The following FOXN3 variants were observed in gnomAD, a reference collection of about 807,000 sequenced individuals.
FOXN3 encodes the protein forkhead box N3.
Under a neutral mutation model 38.4 loss-of-function variants are expected in FOXN3, and 7 were observed. That is an observed-to-expected ratio of 0.18 (90% CI 0.10 to 0.34). The LOEUF (loss-of-function observed/expected upper bound fraction) is 0.34, where lower values mean the gene tolerates loss of function less well. Ranked by LOEUF, FOXN3 falls within the 10% of genes least tolerant of loss-of-function variation. The probability of loss-of-function intolerance (pLI) is 1.00; values close to 1 mark genes in which losing one functional copy is unlikely to be tolerated. For missense variants in FOXN3, 456 were observed against 613.4 expected, an observed-to-expected ratio of 0.74 and a Z score of 2.71; for synonymous variants, 230 against 242.2, an observed-to-expected ratio of 0.95 and a Z score of 0.47.
At chr14:89,602,093 A>G (rs1170384866) in intron 1 of FOXN3, among the ~76,000 whole-genome samples, 3 of 152,162 alleles carry the variant, frequency 2.0e-5, no homozygotes, top group African/African-American at 7.2e-5. Context: ...AGAAAACCTG[A>G]GCCTGGTCAA....
intron 1 of FOXN3, among the ~76,000 whole-genome samples, chr14:89,547,321 C>G (rs2139857690): frequency 6.6e-6 from 1 of 152,136 alleles, no homozygotes; most frequent in East Asian, 1.9e-4. Flanking sequence ...GTGGCACAAT[C>G]TTGGCTCACT....
intron 4 of FOXN3, among the ~76,000 whole-genome samples, chr14:89,275,751 G>C (rs923895381): frequency 6.6e-6 from 1 of 152,194 alleles, no homozygotes; most frequent in Non-Finnish European, 1.5e-5. Flanking sequence ...ATTCCTCAAA[G>C]CAAGTCATCT....
At chr14:89,207,059 A>G (rs1888404237) in intron 4 of FOXN3, among the ~76,000 whole-genome samples, 1 of 152,178 alleles carries the variant, frequency 6.6e-6, no homozygotes, top group Non-Finnish European at 1.5e-5. Flanking sequence ...AGACAGTGGT[A>G]GATAAATATG....
At chr14:89,431,189 AT>A (rs994241606) in intron 1 of FOXN3, among the ~76,000 whole-genome samples, 2 of 151,260 alleles carry the variant, frequency 1.3e-5, no homozygotes, top group African/African-American at 4.9e-5. Flanking sequence ...TGTTTAGCAC[AT>A]TTTTTTTTGT....
In FOXN3 at chr14:89,163,848, A is replaced by G. The variant is rs1211824855; in HGVS notation, c.852-879T>C. Among the ~76,000 whole-genome samples, 1 of 151,998 alleles carries G rather than the reference A, an allele frequency of 6.6e-6. No homozygotes were observed. The highest frequency in any genetic ancestry group is 1.5e-5 in the Non-Finnish European group (1 of 68,000). ...GAGCAGGGACTGGAATCAAAGTCTG[A>G]CTCTCAGACTTGAGGTCTTAGCTAC... On this transcript the variant is annotated intron_variant, in intron 5 of 5. Coordinates refer to ENST00000557258, the MANE Select transcript of FOXN3 (RefSeq NM_005197.4). The surrounding 1 kb of genome is among the most constrained non-coding windows in gnomAD (Gnocchi z 4.3).
chr14:89,567,535 C>T (rs71415429), intron 1 of FOXN3, among the ~76,000 whole-genome samples: 343 of 13,220 alleles, frequency 0.026, 12 homozygotes, highest in African/African-American at 0.043. Context: ...AGGTACAGAG[C>T]GATACTAAGG....
Position 89,595,977 on chromosome 14 carries a change from ATGC to A in FOXN3, c.-15+23048_-15+23050del, listed in dbSNP as rs1896049018. 2.0e-5 allele frequency among the ~76,000 whole-genome samples: 3 copies of A among 152,318 alleles called. No individual in the cohort carries two copies. The South Asian group carries it at 6.2e-4, about 32-fold the overall frequency. On this transcript the variant is annotated intron_variant, in intron 1 of 6. Coordinates refer to the FOXN3 transcript ENST00000345097. The stretch of plus-strand genomic sequence containing the variant: ...GAGATGATCATGATTTTTTCCCTTT[ATGC>A]TGCTAATATACTAAATAACACTTAC...
intron 1 of FOXN3, among the ~76,000 whole-genome samples, chr14:89,509,492 G>A (rs1034934223): frequency 3.9e-5 from 6 of 151,914 alleles, no homozygotes; most frequent in Non-Finnish European, 7.4e-5. Flanking sequence ...CCACCACCAC[G>A]CCTGGCTTAT....
intron 3 of FOXN3, among the ~76,000 whole-genome samples, chr14:89,296,803 T>C (rs1006532313): frequency 2.6e-5 from 4 of 152,198 alleles, no homozygotes; most frequent in Admixed American, 2.0e-4. Context: ...GCCTGGCTAA[T>C]TTTTGTATTC....
At chr14:89,505,929 G>T (rs1401306083) in intron 1 of FOXN3, among the ~76,000 whole-genome samples, 3 of 141,952 alleles carry the variant, frequency 2.1e-5, no homozygotes, top group African/African-American at 5.3e-5. Flanking sequence ...CGGCCGCCCC[G>T]TCTGAGAAGT....
At chr14:89,211,929 G>T (rs1183046291) in intron 4 of FOXN3, among the ~76,000 whole-genome samples, 1 of 152,142 alleles carries the variant, frequency 6.6e-6, no homozygotes, top group African/African-American at 2.4e-5. Context: ...GGCCCTTTGG[G>T]AGGTGATAGA....
At chr14:89,335,627 G>A (rs1314488086) in intron 3 of FOXN3, among the ~76,000 whole-genome samples, 1 of 152,196 alleles carries the variant, frequency 6.6e-6, no homozygotes, top group African/African-American at 2.4e-5. Context: ...AATTAACCCT[G>A]TGTCTTTAAT....
chr14:89,618,264 A>G (rs1232758459), intron 1 of FOXN3, among the ~76,000 whole-genome samples: 1 of 152,182 alleles, frequency 6.6e-6, no homozygotes, highest in East Asian at 1.9e-4. Context: ...AATTAAATAA[A>G]TTAATAATCC....
intron 1 of FOXN3, among the ~76,000 whole-genome samples, chr14:89,463,784 C>CTCTTTTT (rs955571584): frequency 5.0e-5 from 7 of 138,676 alleles, no homozygotes; most frequent in African/African-American, 1.9e-4. Flanking sequence ...GTCTCTCTCT[C>CTCTTTTT]TTTTTTTTTT....
rs1331078649 is a variant in FOXN3 at position 89,271,435 on chromosome 14, G to GATATAATTTAAT, written c.745+9503_745+9514dup. On this transcript the variant is annotated intron_variant, in intron 4 of 5. Transcript: ENST00000557258. ...AATCTTTATATTTTATAATCTAACT[G>GATATAATTTAAT]ATATAATTTAATAGACTAGAAAAAC... Among the ~76,000 whole-genome samples, 7 of 152,224 alleles carry GATATAATTTAAT rather than the reference G, an allele frequency of 4.6e-5. No individual in the cohort carries two copies. The East Asian group carries it at 1.4e-3, about 29-fold the overall frequency.
At chr14:89,344,633 T>A (rs1371728823) in intron 3 of FOXN3, among the ~76,000 whole-genome samples, 1 of 152,192 alleles carries the variant, frequency 6.6e-6, no homozygotes, top group African/African-American at 2.4e-5. Flanking sequence ...GTTTATAGGG[T>A]GTTAATGTAG....
rs71107531 is a variant in FOXN3, at chr14:89,566,755, C to CCCT, written c.-15+52270_-15+52272dup. On this transcript the variant is annotated intron_variant, in intron 1 of 6. Transcript: ENST00000345097. ...GGGTGAAGCCTGTGGCTTTACCATT[C>CCCT]CCTCCTCCTCCTCCTCCTCCTCCTC... Among the ~76,000 whole-genome samples, 1,433 of 149,028 alleles carry CCCT rather than the reference C, an allele frequency of 9.6e-3. 16 individuals are homozygous for CCCT. The highest frequency in any genetic ancestry group is 0.018 in the African/African-American group (706 of 39,832).
intron 3 of FOXN3, among the ~76,000 whole-genome samples, chr14:89,293,112 T>C (rs977454221): frequency 1.3e-5 from 2 of 152,142 alleles, no homozygotes; most frequent in African/African-American, 4.8e-5. Context: ...TGTGGAAAGG[T>C]TGGGTTTGCC....
chr14:89,222,009 A>G (rs948187869), intron 4 of FOXN3, among the ~76,000 whole-genome samples: 1 of 151,976 alleles, frequency 6.6e-6, no homozygotes, highest in African/African-American at 2.4e-5. Context: ...TTTTTAGTAG[A>G]GACGGGGTTT....
Sources: gnomAD v4.1 joint callset for allele counts (sites outside exome capture counted in the v4.1 genomes callset) on GRCh38, gnomAD v4.1.1 for gene constraint, Gnocchi (gnomAD v3.1) non-coding constraint, MANE v1.5 for transcripts, NCBI Gene and HGNC (gene_info 2026-07-23, HGNC 2026-07-21) for gene names.